EYS: variants seen among roughly 807,000 people sequenced by gnomAD.
The protein encoded by EYS is protein eyes shut homolog.
A neutral mutation model predicts 282.1 loss-of-function variants in EYS; 250 were observed. That is an observed-to-expected ratio of 0.89 (90% CI 0.80 to 0.98). The LOEUF is 0.98. Ranked by LOEUF, EYS falls within the 50% of genes least tolerant of loss-of-function variation. The probability of loss-of-function intolerance (pLI) is 0.00; values close to 1 mark genes in which losing one functional copy is unlikely to be tolerated. For missense variants in EYS, 4,016 were observed against 3,709.0 expected, an observed-to-expected ratio of 1.08 and a Z score of -2.15; for synonymous variants, 1,355 against 1,282.9, an observed-to-expected ratio of 1.06 and a Z score of -1.20.
At chr6:65,543,333 T>C (rs1281535738) in intron 2 of EYS, among the ~76,000 whole-genome samples, 2 of 150,446 alleles carry the variant, frequency 1.3e-5, no homozygotes, top group Non-Finnish European at 3.0e-5. Context: ...TTTACATTGG[T>C]ATTTTCCTAC....
chr6:64,340,217 A>G (rs1307996043), intron 29 of EYS, among the ~76,000 whole-genome samples: 1 of 151,730 alleles, frequency 6.6e-6, no homozygotes, highest in Admixed American at 6.6e-5. Flanking sequence ...AAAGAAAAAG[A>G]GTATTCTAAA....
At chr6:65,518,945 G>T (rs1204262707) in intron 2 of EYS, among the ~76,000 whole-genome samples, 1 of 151,984 alleles carries the variant, frequency 6.6e-6, no homozygotes, top group African/African-American at 2.4e-5. Flanking sequence ...GAAATTATGG[G>T]AGCTACAATT....
At chr6:64,114,224 A>G (rs183216169) in intron 31 of EYS, among the ~76,000 whole-genome samples, 1 of 152,220 alleles carries the variant, frequency 6.6e-6, no homozygotes, top group Non-Finnish European at 1.5e-5. Context: ...ATAATTATTG[A>G]AATATTCCCT....
chr6:64,973,734 C>T (rs907603702), intron 14 of EYS, among the ~76,000 whole-genome samples: 8 of 151,862 alleles, frequency 5.3e-5, no homozygotes, highest in Non-Finnish European at 1.2e-4. Flanking sequence ...GTGTAAACTG[C>T]AGTATAATTG....
At chr6:65,253,915 G>T (rs1187311942) in intron 12 of EYS, among the ~76,000 whole-genome samples, 1 of 151,522 alleles carries the variant, frequency 6.6e-6, no homozygotes, top group Non-Finnish European at 1.5e-5. Flanking sequence ...AAATTCTACT[G>T]TATCAGACTC....
chr6:63,977,143 G>C (rs1352227245), intron 35 of EYS, among the ~76,000 whole-genome samples: 1 of 151,314 alleles, frequency 6.6e-6, no homozygotes. Flanking sequence ...TACATATGCA[G>C]TAATCTATAT....
At chr6:63,998,997 G>A in intron 34 of EYS, 78 bp downstream of exon 34, 1 of 864,750 alleles carries the variant, frequency 1.2e-6, no homozygotes, top group Non-Finnish European at 1.9e-6. Flanking sequence ...TATGATTACT[G>A]CTTAGTAACA....
chr6:63,940,532 C>G (rs1219639902), intron 35 of EYS, among the ~76,000 whole-genome samples: 1 of 152,068 alleles, frequency 6.6e-6, no homozygotes, highest in Non-Finnish European at 1.5e-5. Flanking sequence ...AATTTAATGC[C>G]AGCAAAGGAT....
At chr6:65,496,146 G>C (rs975196050) in intron 2 of EYS, 153 bp from the exon 3 acceptor site, 141 of 152,020 alleles carry the variant, frequency 9.3e-4, no homozygotes, top group African/African-American at 3.3e-3. Flanking sequence ...AAATTCTGTT[G>C]TGCAAATGAC....
At chr6:63,732,304 CAAG>C (rs1207420581) in intron 41 of EYS, among the ~76,000 whole-genome samples, 1 of 151,932 alleles carries the variant, frequency 6.6e-6, no homozygotes, top group Non-Finnish European at 1.5e-5. Flanking sequence ...TTTTATATAA[CAAG>C]AAAGGCTTCA....
intron 2 of EYS, among the ~76,000 whole-genome samples, chr6:65,499,474 T>G (rs1303524675): frequency 6.6e-6 from 1 of 152,026 alleles, no homozygotes; most frequent in Admixed American, 6.6e-5. Context: ...ATACCTGATA[T>G]TTTTCATGTT....
intron 22 of EYS, among the ~76,000 whole-genome samples, chr6:64,629,125 C>T (rs75179523): frequency 0.015 from 2,234 of 152,178 alleles, 44 homozygotes; most frequent in East Asian, 0.096. Flanking sequence ...CTCATACTTC[C>T]TTGTTTTTGA....
intron 29 of EYS, among the ~76,000 whole-genome samples, chr6:64,312,096 C>A (rs1362000336): frequency 6.6e-6 from 1 of 151,942 alleles, no homozygotes; most frequent in African/African-American, 2.4e-5. Flanking sequence ...GCAGGTCCCA[C>A]CCCAACGGAG....
intron 19 of EYS, among the ~76,000 whole-genome samples, chr6:64,881,390 G>A (rs946394736): frequency 2.0e-5 from 3 of 151,714 alleles, no homozygotes; most frequent in Non-Finnish European, 4.4e-5. Flanking sequence ...TATCATCTGT[G>A]GGAAAATTCA....
chr6:64,953,344 G>A (rs1769577094), intron 14 of EYS, among the ~76,000 whole-genome samples: 1 of 151,444 alleles, frequency 6.6e-6, no homozygotes, highest in Non-Finnish European at 1.5e-5. Context: ...CTTGAAAGAA[G>A]GACAAATATT....
At chr6:65,328,750 T>A (rs1296843049) in intron 11 of EYS, among the ~76,000 whole-genome samples, 1 of 97,500 alleles carries the variant, frequency 1.0e-5, no homozygotes, top group East Asian at 2.2e-4. Flanking sequence ...TAATTATTAG[T>A]TTTTTATCAT....
intron 8 of EYS, among the ~76,000 whole-genome samples, chr6:65,375,570 G>A (rs1447464999): frequency 6.6e-6 from 1 of 152,102 alleles, no homozygotes; most frequent in Non-Finnish European, 1.5e-5. Flanking sequence ...GCTTCAGAAA[G>A]TGGGTAATAA....
chr6:65,443,032 A>C (rs1396066435), intron 5 of EYS, among the ~76,000 whole-genome samples: 1 of 144,248 alleles, frequency 6.9e-6, no homozygotes, highest in African/African-American at 2.4e-5. Context: ...ATACACACAT[A>C]TATACACAGA....
At chr6:64,847,585 G>A (rs943227253) in intron 19 of EYS, among the ~76,000 whole-genome samples, 10 of 151,792 alleles carry the variant, frequency 6.6e-5, no homozygotes, top group African/African-American at 1.7e-4. Context: ...GTCCATCTCC[G>A]TTTCCCTGGC....
Sources: allele counts gnomAD v4.1 joint callset (sites outside exome capture counted in the v4.1 genomes callset), GRCh38; gene constraint gnomAD v4.1.1; transcripts MANE v1.5; gene names NCBI Gene and HGNC (gene_info 2026-07-23, HGNC 2026-07-21).